KIF2A: variants seen among roughly 807,000 people sequenced by gnomAD.
KIF2A encodes kinesin-like protein KIF2A.
KIF2A carries 22 observed loss-of-function variants against 100.2 expected under a neutral mutation model. That is an observed-to-expected ratio of 0.22 (90% confidence interval 0.16 to 0.31). KIF2A has a LOEUF of 0.31. Ranked by LOEUF, KIF2A falls within the 10% of genes least tolerant of loss-of-function variation. The pLI, the probability that KIF2A is intolerant of heterozygous loss-of-function variation, is 1.00. For synonymous variants in KIF2A, 268 were observed against 285.9 expected, an observed-to-expected ratio of 0.94 and a Z score of 0.63; for missense variants, 495 against 898.7, an observed-to-expected ratio of 0.55 and a Z score of 5.74.
At chr5:62,323,885 T>G (rs1746231898) in intron 1 of KIF2A, among the ~76,000 whole-genome samples, 1 of 151,928 alleles carries the variant, frequency 6.6e-6, no homozygotes, top group Non-Finnish European at 1.5e-5. Flanking sequence ...TCTGCAAAAA[T>G]TAGCCGAGCA....
rs1437082021 is a variant in KIF2A at position 62,389,147 on chromosome 5, A to T, written c.*3578A>T. ...ATACCATTAATACTAAAACATGAAT[A>T]CAGCATGCTTACAGAGCCCACCCAC... is the stretch of plus-strand genomic sequence containing the variant. On this transcript the variant is annotated 3_prime_UTR_variant, in exon 21 of 21. Coordinates refer to ENST00000407818, the MANE Select transcript of KIF2A (RefSeq NM_001098511.3). 2.7e-6 allele frequency: 3 copies of T among 1,103,894 alleles called. No individual in the cohort carries two copies. The highest frequency in any genetic ancestry group is 2.6e-6 in the Non-Finnish European group (2 of 757,362). 68.4% of individuals were successfully genotyped at this position (1,103,894 alleles called of 1,614,324 possible).
In KIF2A at chr5:62,337,649, A is replaced by G. The variant is rs562306931; in HGVS notation, c.65-9481A>G. Among the ~76,000 whole-genome samples, 116 of 152,236 alleles carry G rather than the reference A, an allele frequency of 7.6e-4. No homozygotes were observed. In the Middle Eastern group the frequency reaches 0.01, roughly 13 times the overall value. ...GAAGTTAAAGACCAGCGTGGTCAAC[A>G]TAGCGAAACCCTGTCTCTACAAAAA... On this transcript the variant is annotated intron_variant, in intron 1 of 20. Transcript: ENST00000407818.
intron 7 of KIF2A, among the ~76,000 whole-genome samples, chr5:62,355,939 G>A (rs535270467): frequency 5.6e-5 from 8 of 141,792 alleles, no homozygotes; most frequent in East Asian, 2.1e-4. Context: ...CTGCCACCAC[G>A]CCCGGCTAAT....
chr5:62,383,400 G>A (rs995492468), intron 20 of KIF2A, among the ~76,000 whole-genome samples: 6 of 151,634 alleles, frequency 4.0e-5, no homozygotes, highest in Admixed American at 2.0e-4. Flanking sequence ...CCGCCACCAC[G>A]CCTGGCTAAT....
intron 1 of KIF2A, among the ~76,000 whole-genome samples, chr5:62,319,232 A>T (rs1696006416): frequency 6.6e-6 from 1 of 152,196 alleles, no homozygotes; most frequent in Non-Finnish European, 1.5e-5. Flanking sequence ...TTTCAGAGTA[A>T]CCTTTCAGGC....
At chr5:62,330,815 T>G (rs920382961) in intron 1 of KIF2A, among the ~76,000 whole-genome samples, 64 of 152,204 alleles carry the variant, frequency 4.2e-4, no homozygotes, top group African/African-American at 1.5e-3. Flanking sequence ...TATATTTTAA[T>G]TTATTGGCAG....
intron 19 of KIF2A, among the ~76,000 whole-genome samples, chr5:62,380,791 G>C (rs1741743023): frequency 6.6e-6 from 1 of 152,106 alleles, no homozygotes; most frequent in Admixed American, 6.6e-5. Context: ...ACATTGAGTA[G>C]GCTGAGGAGG....
Position 62,306,461 on chromosome 5 carries a change from C to A in KIF2A, c.-12C>A, listed in dbSNP as rs959506991. 1 of 1,540,920 alleles carries A rather than the reference C, an allele frequency of 6.5e-7. No individual in the cohort carries two copies. The highest frequency in any genetic ancestry group is 2.0e-5 in the Admixed American group (1 of 50,300). On this transcript the variant is annotated 5_prime_UTR_variant, in exon 1 of 21. Transcript: ENST00000407818. Reference sequence around the variant, plus strand: ...CCTCCCTCGGCCCGCTGCTGCTGCTCCAGATGAGGTGATGGCAACGGCCAA... The same window carrying A: ...CCTCCCTCGGCCCGCTGCTGCTGCTACAGATGAGGTGATGGCAACGGCCAA...
At chr5:62,318,646 C>G (rs1241952188) in intron 1 of KIF2A, among the ~76,000 whole-genome samples, 1 of 152,082 alleles carries the variant, frequency 6.6e-6, no homozygotes, top group African/African-American at 2.4e-5. Flanking sequence ...TTCTATTACT[C>G]AGATTTTTTC....
At chr5:62,326,498 C>T (rs1243083610) in intron 1 of KIF2A, among the ~76,000 whole-genome samples, 1 of 152,040 alleles carries the variant, frequency 6.6e-6, no homozygotes, top group East Asian at 1.9e-4. Context: ...GCCTATATGA[C>T]TGCCTTCCTT....
chr5:62,343,807 G>A (rs894016722), intron 1 of KIF2A, among the ~76,000 whole-genome samples: 1 of 152,176 alleles, frequency 6.6e-6, no homozygotes, highest in African/African-American at 2.4e-5. Context: ...CTCAAGCAAT[G>A]TCATTTTATT....
At chr5:62,315,281 C>A (rs1279799117) in intron 1 of KIF2A, among the ~76,000 whole-genome samples, 2 of 149,266 alleles carry the variant, frequency 1.3e-5, no homozygotes, top group Non-Finnish European at 3.0e-5. Context: ...AGCAACCCAC[C>A]ACAGCCAATA....
chr5:62,366,567 C>A, intron 16 of KIF2A, 86 bp downstream of exon 16: 1 of 811,692 alleles, frequency 1.2e-6, no homozygotes, highest in Non-Finnish European at 2.0e-6. Flanking sequence ...TGCGGTGGCT[C>A]ACGCCTGTAA....
chr5:62,360,221 C>T (rs1291955438), intron 9 of KIF2A, among the ~76,000 whole-genome samples: 1 of 151,848 alleles, frequency 6.6e-6, no homozygotes, highest in Admixed American at 6.6e-5. Context: ...AACTCCTGAC[C>T]TCAAGTGATC....
Position 62,386,503 on chromosome 5 carries a change from T to TA in KIF2A, c.*935dup, listed in dbSNP as rs1459275359. 1.3e-5 allele frequency: 2 copies of TA among 152,242 alleles called. No individual in the cohort carries two copies. Among genetic ancestry groups the TA allele is most frequent in the Non-Finnish European group, 2.9e-5 (2 of 68,050 alleles). The allele number at this position is 152,242 out of a possible 1,614,324, so 9.4% of individuals were successfully genotyped here. A position where few individuals can be genotyped will look rare whatever the true frequency, so the allele number is the denominator to read the frequency against. On this transcript the variant is annotated 3_prime_UTR_variant, in exon 21 of 21. Transcript: ENST00000407818. ...TCATTACTTAATTTGAAGTGTTCAT[T>TA]AGCACCCCAAAATATACCTTTTCTA...
At chr5:62,336,165 T>A (rs986764276) in intron 1 of KIF2A, among the ~76,000 whole-genome samples, 1 of 152,198 alleles carries the variant, frequency 6.6e-6, no homozygotes, top group African/African-American at 2.4e-5. Flanking sequence ...AAGAGATGGA[T>A]GAGGCTGAAG....
At chr5:62,339,180 C>T (rs1747136939) in intron 1 of KIF2A, among the ~76,000 whole-genome samples, 1 of 152,180 alleles carries the variant, frequency 6.6e-6, no homozygotes, top group Non-Finnish European at 1.5e-5. Context: ...GGGAAGGTCT[C>T]ATGAAGGCTA....
intron 1 of KIF2A, among the ~76,000 whole-genome samples, 175 bp downstream of exon 1, chr5:62,306,711 C>T (rs1187293836): frequency 6.6e-6 from 1 of 152,090 alleles, no homozygotes; most frequent in African/African-American, 2.4e-5. Context: ...GCTTGGGGTC[C>T]GCCCGGGCGC....
In KIF2A at chr5:62,389,427, A is replaced by G. The variant is rs1742189092; in HGVS notation, c.*3858A>G. ...CCTGAACCCAGGAGGCGGAGGTTGC[A>G]GTGAGCTGAGATTGTGCCACTGGAG... On this transcript the variant is annotated 3_prime_UTR_variant, in exon 21 of 21. Transcript: ENST00000407818. Among the ~76,000 whole-genome samples the G allele has an allele frequency of 7.0e-6, 1 of 142,254 alleles. No individual in the cohort carries two copies. Among genetic ancestry groups the G allele is most frequent in the South Asian group, 2.2e-4 (1 of 4,458 alleles). The allele number at this position is 142,254 out of a possible 152,430, so 93.3% of individuals were successfully genotyped here.
Sources: gnomAD v4.1 joint callset for allele counts (sites outside exome capture counted in the v4.1 genomes callset) on GRCh38, gnomAD v4.1.1 for gene constraint, MANE v1.5 for transcripts, NCBI Gene and HGNC (gene_info 2026-07-23, HGNC 2026-07-21) for gene names.